Variants in POU6F2 observed in about 807,000 individuals in gnomAD.
POU6F2 encodes POU class 6 homeobox 2.
In POU6F2, 31 loss-of-function variants were observed where a neutral mutation model predicts 71.3. The ratio of observed to expected loss-of-function variants is 0.43; its 90% confidence interval spans 0.33 to 0.59. POU6F2 has a LOEUF of 0.59. POU6F2 is among the 20% of genes least tolerant of loss of function. POU6F2 has a pLI of 0.04. For synonymous variants in POU6F2, 347 were observed against 355.7 expected (o/e 0.98, Z 0.27); for missense variants, 783 against 856.8 (o/e 0.91, Z 1.07).
At chr7:39,219,142 G>T (rs553871807) in intron 4 of POU6F2, among the ~76,000 whole-genome samples, 13 of 152,112 alleles carry the variant, frequency 8.5e-5, no homozygotes, top group Admixed American at 1.3e-4. Flanking sequence ...CATAATCTCC[G>T]CATTAATGTG....
intron 1 of POU6F2, among the ~76,000 whole-genome samples, chr7:39,009,701 A>G (rs1001876162): frequency 5.3e-5 from 8 of 152,022 alleles, no homozygotes; most frequent in African/African-American, 1.7e-4. Context: ...CGTCCCATCA[A>G]TACCTAATTT....
chr7:39,153,128 T>C (rs1562725458), intron 2 of POU6F2, among the ~76,000 whole-genome samples: 1 of 152,114 alleles, frequency 6.6e-6, no homozygotes, highest in Non-Finnish European at 1.5e-5. Context: ...TGGACAAAGG[T>C]GGTTTGGGGA....
chr7:39,182,010 A>G (rs1793445246), intron 2 of POU6F2, among the ~76,000 whole-genome samples: 1 of 152,222 alleles, frequency 6.6e-6, no homozygotes, highest in African/African-American at 2.4e-5. Context: ...CTTAAAAAAG[A>G]AAACAGAAAC....
chr7:39,330,192 A>G (rs1039969995), intron 4 of POU6F2, among the ~76,000 whole-genome samples: 8 of 152,152 alleles, frequency 5.3e-5, no homozygotes, highest in African/African-American at 1.7e-4. Flanking sequence ...TTAACTTGAT[A>G]TATCATCTGT....
chr7:39,031,492 T>C (rs754544496), intron 1 of POU6F2, among the ~76,000 whole-genome samples: 5 of 152,220 alleles, frequency 3.3e-5, no homozygotes, highest in Non-Finnish European at 5.9e-5. Context: ...ACCTACTCTA[T>C]ATTTCTATCC....
chr7:39,022,802 A>C (rs370811159), intron 1 of POU6F2, among the ~76,000 whole-genome samples: 35 of 152,146 alleles, frequency 2.3e-4, no homozygotes, highest in Middle Eastern at 3.4e-3. Flanking sequence ...GCTATTATGA[A>C]TAGGCTGCTA....
chr7:39,120,510 T>C (rs1356694480), intron 2 of POU6F2, among the ~76,000 whole-genome samples: 2 of 152,206 alleles, frequency 1.3e-5, no homozygotes, highest in Non-Finnish European at 2.9e-5. Context: ...CTGATTTTCA[T>C]AGCTAGTCTG....
chr7:39,205,053 T>G (rs1793982647), intron 3 of POU6F2, among the ~76,000 whole-genome samples: 1 of 152,020 alleles, frequency 6.6e-6, no homozygotes, highest in Admixed American at 6.5e-5. Flanking sequence ...TTAAGCACAT[T>G]GAGGGCTCAC....
chr7:39,208,847 G>T (rs184137405), intron 4 of POU6F2, among the ~76,000 whole-genome samples: 1 of 152,176 alleles, frequency 6.6e-6, no homozygotes, highest in Admixed American at 6.6e-5. Context: ...GGTGAAAGCC[G>T]AAGCAACAAA....
chr7:39,324,104 T>C (rs1013109067), intron 4 of POU6F2, among the ~76,000 whole-genome samples: 1 of 116,326 alleles, frequency 8.6e-6, no homozygotes, highest in Non-Finnish European at 1.8e-5. Context: ...CAAAACTACA[T>C]CTCAAAAAAA....
intron 2 of POU6F2, among the ~76,000 whole-genome samples, chr7:39,117,185 A>G (rs1791948232): frequency 1.3e-5 from 2 of 152,216 alleles, no homozygotes; most frequent in East Asian, 1.9e-4. Context: ...TACATAGTAA[A>G]ATCATTATGA....
At chr7:39,124,613 G>T (rs187011168) in intron 2 of POU6F2, among the ~76,000 whole-genome samples, 30 of 152,254 alleles carry the variant, frequency 2.0e-4, no homozygotes, top group Middle Eastern at 3.4e-3. Context: ...CTCATACTGA[G>T]CCCTCCTTTC....
intron 2 of POU6F2, among the ~76,000 whole-genome samples, chr7:39,159,196 A>C (rs1365516746): frequency 6.6e-6 from 1 of 152,050 alleles, no homozygotes; most frequent in Non-Finnish European, 1.5e-5. Flanking sequence ...AAAAATAAAA[A>C]AAATAACCAT....
intron 4 of POU6F2, among the ~76,000 whole-genome samples, chr7:39,241,076 C>T (rs1254171708): frequency 6.6e-6 from 1 of 152,120 alleles, no homozygotes; most frequent in Admixed American, 6.6e-5. Flanking sequence ...AACCTTCTCC[C>T]TTCCCCGCAA....
At chr7:39,284,656 T>A (rs1362370647) in intron 4 of POU6F2, among the ~76,000 whole-genome samples, 1 of 152,230 alleles carries the variant, frequency 6.6e-6, no homozygotes, top group South Asian at 2.1e-4. Flanking sequence ...AATACACAGC[T>A]CTTTCTCTGT....
At chr7:39,056,915 G>GACCCTTTCT (rs1357851639) in intron 1 of POU6F2, among the ~76,000 whole-genome samples, 1 of 151,950 alleles carries the variant, frequency 6.6e-6, no homozygotes, top group Non-Finnish European at 1.5e-5. Context: ...AACATAACTT[G>GACCCTTTCT]TCTGTATGAC....
At chr7:39,110,073 C>A (rs1329927450) in intron 2 of POU6F2, among the ~76,000 whole-genome samples, 1 of 152,006 alleles carries the variant, frequency 6.6e-6, no homozygotes, top group African/African-American at 2.4e-5. Flanking sequence ...GAGTTTGAGA[C>A]CATCCTGGCC....
intron 2 of POU6F2, among the ~76,000 whole-genome samples, chr7:39,185,803 A>ATATATGTATATG (rs200793063): frequency 1.0e-3 from 145 of 141,944 alleles, no homozygotes; most frequent in Non-Finnish European, 1.8e-3. Flanking sequence ...GTATACATAT[A>ATATATGTATATG]TATATGTATA....
At chr7:39,015,761 ATATAT>A (rs1172415905) in intron 1 of POU6F2, among the ~76,000 whole-genome samples, 5,578 of 92,970 alleles carry the variant, frequency 0.06, 333 homozygotes, top group African/African-American at 0.17. Flanking sequence ...TTATATATAG[ATATAT>A]TATATATATT....
Sources: allele counts gnomAD v4.1 joint callset (sites outside exome capture counted in the v4.1 genomes callset), GRCh38; gene constraint gnomAD v4.1.1; transcripts MANE v1.5; gene names NCBI Gene and HGNC (gene_info 2026-07-23, HGNC 2026-07-21).